SCTR: variants seen among roughly 807,000 people sequenced by gnomAD.
SCTR encodes the protein secretin receptor.
Under a neutral mutation model 60.8 loss-of-function variants are expected in SCTR, and 56 were observed. That is an observed-to-expected ratio of 0.92 (90% CI 0.74 to 1.15). SCTR has a LOEUF of 1.15. Among genes scored for constraint, SCTR ranks in the 50% most tolerant of loss-of-function variants. The probability of loss-of-function intolerance (pLI) is 0.00; values close to 1 mark genes in which losing one functional copy is unlikely to be tolerated. For missense variants in SCTR, 562 were observed against 550.4 expected (o/e 1.02, Z -0.21); for synonymous variants, 202 against 217.0 (o/e 0.93, Z 0.61).
In SCTR at chr2:119,502,314, C is replaced by A. The variant is rs1042241438; in HGVS notation, c.73-7766G>T. ...AAAAAAGAGATGCTTAGGCATAAAT[C>A]CAGCAAAACATGTGCAGAATTTATA... On this transcript the variant is annotated intron_variant, in intron 1 of 12. Transcript: ENST00000019103. 7.2e-5 allele frequency among the ~76,000 whole-genome samples: 11 copies of A among 152,106 alleles called. No homozygotes were observed. In the South Asian group the frequency reaches 2.3e-3, roughly 32 times the overall value.
chr2:119,473,864 G>A (rs1677142750), intron 3 of SCTR, among the ~76,000 whole-genome samples: 3 of 152,160 alleles, frequency 2.0e-5, no homozygotes, highest in African/African-American at 7.2e-5. Flanking sequence ...GTACCCCGGA[G>A]AATCTGTGGT....
chr2:119,461,340 A>C (rs1241158962), intron 7 of SCTR, among the ~76,000 whole-genome samples: 1 of 152,228 alleles, frequency 6.6e-6, no homozygotes, highest in Non-Finnish European at 1.5e-5. Flanking sequence ...AACTGGGGCT[A>C]AATTTGAGCT....
intron 2 of SCTR, among the ~76,000 whole-genome samples, chr2:119,484,377 CAAG>C (rs1282764336): frequency 6.6e-6 from 1 of 152,138 alleles, no homozygotes; most frequent in Non-Finnish European, 1.5e-5. Context: ...AGTGGGGAAA[CAAG>C]AGAAGACAAT....
intron 2 of SCTR, among the ~76,000 whole-genome samples, chr2:119,491,203 G>A (rs1678111492): frequency 6.6e-6 from 1 of 152,172 alleles, no homozygotes; most frequent in African/African-American, 2.4e-5. Flanking sequence ...TGGCAGAGGT[G>A]ATCTTTTCAT....
intron 2 of SCTR, among the ~76,000 whole-genome samples, chr2:119,483,341 G>A (rs963332764): frequency 1.3e-5 from 2 of 152,248 alleles, no homozygotes; most frequent in Non-Finnish European, 2.9e-5. Flanking sequence ...AGTGAGAAGT[G>A]TGGGTGACAG....
intron 4 of SCTR, among the ~76,000 whole-genome samples, chr2:119,472,471 G>C (rs1330216003): frequency 1.3e-5 from 2 of 152,232 alleles, no homozygotes; most frequent in Admixed American, 1.3e-4. Context: ...TGCAGAGTGA[G>C]CTGAGCCCAG....
intron 1 of SCTR, among the ~76,000 whole-genome samples, chr2:119,523,433 A>G (rs573748193): frequency 1.2e-4 from 18 of 145,928 alleles, no homozygotes; most frequent in Admixed American, 6.2e-4. Context: ...TATTATTATT[A>G]TTATTATTTT....
chr2:119,461,719 A>G, intron 7 of SCTR, 128 bp downstream of exon 7: 1 of 702,652 alleles, frequency 1.4e-6, no homozygotes, highest in Non-Finnish European at 2.1e-6. Context: ...CTCAAAAAAA[A>G]AAAAAAAAAA....
In SCTR at chr2:119,440,057, T is replaced by C. The variant is rs1216129981; in HGVS notation, c.*60A>G. Reference sequence around the variant, plus strand: ...GGGAAGACTGGCTGTCCCACAGCAGTGCCCAGCCTTCGCAGGACCTCTCTT... The same window carrying C: ...GGGAAGACTGGCTGTCCCACAGCAGCGCCCAGCCTTCGCAGGACCTCTCTT... On this transcript the variant is annotated 3_prime_UTR_variant, in exon 13 of 13. Transcript: ENST00000019103. 6 of 1,539,760 alleles carry C rather than the reference T, an allele frequency of 3.9e-6. No homozygotes were observed. Among genetic ancestry groups the C allele is most frequent in the Non-Finnish European group, 4.4e-6 (5 of 1,128,516 alleles).
chr2:119,495,223 A>G (rs1678300767), intron 1 of SCTR, among the ~76,000 whole-genome samples: 1 of 152,180 alleles, frequency 6.6e-6, no homozygotes, highest in South Asian at 2.1e-4. Context: ...AACTCCTGGG[A>G]TTATAGGCAT....
intron 1 of SCTR, among the ~76,000 whole-genome samples, chr2:119,523,650 G>A (rs1339729707): frequency 6.6e-6 from 1 of 151,904 alleles, no homozygotes; most frequent in Non-Finnish European, 1.5e-5. Flanking sequence ...TCAAGGTTTG[G>A]GGGCAGACTG....
At chr2:119,507,493 G>A (rs1313721064) in intron 1 of SCTR, among the ~76,000 whole-genome samples, 2 of 152,084 alleles carry the variant, frequency 1.3e-5, no homozygotes, top group Non-Finnish European at 2.9e-5. Flanking sequence ...AATAGGGGAA[G>A]AACTCGTCCC....
intron 2 of SCTR, among the ~76,000 whole-genome samples, chr2:119,484,970 G>T (rs1470354185): frequency 3.3e-5 from 5 of 152,318 alleles, no homozygotes; most frequent in African/African-American, 1.2e-4. Context: ...AAACAGCTGT[G>T]GGGGCAGGTC....
At chr2:119,524,038 T>C in intron 1 of SCTR, 117 bp downstream of exon 1, 1 of 758,108 alleles carries the variant, frequency 1.3e-6, no homozygotes, top group Non-Finnish European at 2.3e-6. Context: ...GAAGAGTCCC[T>C]ATTCCTCATG....
chr2:119,456,491 C>G (rs1169027476), intron 7 of SCTR, among the ~76,000 whole-genome samples: 2 of 151,992 alleles, frequency 1.3e-5, no homozygotes, highest in Admixed American at 1.3e-4. Flanking sequence ...GGATGTGCTC[C>G]AACACAACTA....
intron 7 of SCTR, among the ~76,000 whole-genome samples, chr2:119,455,800 T>C (rs569740020): frequency 2.0e-5 from 3 of 152,080 alleles, no homozygotes; most frequent in East Asian, 3.9e-4. Flanking sequence ...GAAAAAACAA[T>C]TAAATAGATA....
intron 4 of SCTR, among the ~76,000 whole-genome samples, chr2:119,468,091 G>T (rs1683913165): frequency 1.3e-5 from 2 of 152,136 alleles, no homozygotes; most frequent in Non-Finnish European, 2.9e-5. Context: ...AGACAAGATT[G>T]TAAAGAGATA....
chr2:119,514,792 C>A (rs1468492062), intron 1 of SCTR, among the ~76,000 whole-genome samples: 1 of 152,104 alleles, frequency 6.6e-6, no homozygotes, highest in Non-Finnish European at 1.5e-5. Flanking sequence ...GCAGGAGAAT[C>A]TCTTGAACCC....
chr2:119,478,780 G>C, intron 3 of SCTR, 31 bp downstream of exon 3: 1 of 1,610,540 alleles, frequency 6.2e-7, no homozygotes, highest in Non-Finnish European at 8.5e-7. Context: ...CCCTCAGCCT[G>C]TCCGCCAGGC....
Sources: gnomAD v4.1 joint callset for allele counts (sites outside exome capture counted in the v4.1 genomes callset) on GRCh38, gnomAD v4.1.1 for gene constraint, MANE v1.5 for transcripts, NCBI Gene and HGNC (gene_info 2026-07-23, HGNC 2026-07-21) for gene names.